PUM1: variants seen among roughly 807,000 people sequenced by gnomAD.
PUM1 encodes the protein pumilio homolog 1.
PUM1 carries 13 observed loss-of-function variants against 131.8 expected under a neutral mutation model. The ratio of observed to expected loss-of-function variants is 0.10; its 90% CI spans 0.06 to 0.16. The LOEUF is 0.16. PUM1 is among the 10% of genes least tolerant of loss of function. The probability of loss-of-function intolerance (pLI) is 1.00; values close to 1 mark genes in which losing one functional copy is unlikely to be tolerated. For synonymous variants in PUM1, 509 were observed against 556.5 expected, an observed-to-expected ratio of 0.91 and a Z score of 1.20; for missense variants, 961 against 1,512.4, an observed-to-expected ratio of 0.64 and a Z score of 6.05.
chr1:31,042,814 G>C (rs1288689861), intron 2 of PUM1, among the ~76,000 whole-genome samples: 1 of 152,170 alleles, frequency 6.6e-6, no homozygotes, highest in Admixed American at 6.6e-5. Context: ...GCCCAGGCTG[G>C]AGTGCAGTAG....
intron 1 of PUM1, 54 bp downstream of exon 1, chr1:31,065,562 T>A: frequency 6.6e-7 from 1 of 1,525,706 alleles, no homozygotes; most frequent in Non-Finnish European, 8.8e-7. Flanking sequence ...AGGGACAATC[T>A]GCTCGTTAGG....
Position 30,953,956 on chromosome 1 carries a change from T to C in PUM1, c.2349A>G (p.Arg783=). ...NLGGLTNGSG[R]YISAAPGAEA... ...CAGCGCCTGGAGCAGCAGAGATGTA[T>C]CTTCCACTGCCATTCGTGAGTCCTC... The change falls in exon 15 of 22, where the codon AGA becomes AGG. Residue 783 remains arginine, a synonymous_variant. Coordinates refer to ENST00000426105, the MANE Select transcript of PUM1 (RefSeq NM_001020658.2). The C allele has an allele frequency of 1.9e-6, 3 of 1,614,198 alleles. No homozygotes were observed. Among genetic ancestry groups the C allele is most frequent in the Non-Finnish European group, 2.5e-6 (3 of 1,180,008 alleles).
At chr1:30,937,551 G>A (rs550744104) in intron 20 of PUM1, among the ~76,000 whole-genome samples, 1 of 151,984 alleles carries the variant, frequency 6.6e-6, no homozygotes, top group African/African-American at 2.4e-5. Flanking sequence ...CCAAAGTGCT[G>A]AGATTACAGG....
intron 2 of PUM1, among the ~76,000 whole-genome samples, chr1:31,057,748 CA>C (rs1644278305): frequency 1.1e-5 from 1 of 88,050 alleles, no homozygotes; most frequent in African/African-American, 4.3e-5. Context: ...AAAAAAAAAA[CA>C]ACTATGGTTC....
intron 3 of PUM1, among the ~76,000 whole-genome samples, chr1:31,011,682 A>T (rs979976432): frequency 2.6e-5 from 4 of 152,244 alleles, no homozygotes; most frequent in Non-Finnish European, 5.9e-5. Context: ...AAATACCAGC[A>T]GTTGCCAAAT....
intron 2 of PUM1, among the ~76,000 whole-genome samples, chr1:31,044,577 C>T (rs569176872): frequency 4.2e-4 from 64 of 152,122 alleles, no homozygotes; most frequent in African/African-American, 1.5e-3. Flanking sequence ...TGGGGAGTGA[C>T]GGCTGCTGGG....
At chr1:31,049,671 C>T (rs568241995) in intron 2 of PUM1, among the ~76,000 whole-genome samples, 1 of 151,860 alleles carries the variant, frequency 6.6e-6, no homozygotes, top group Non-Finnish European at 1.5e-5. Flanking sequence ...AAGGATGAAA[C>T]TCCATCTCAA....
At position 31,008,882 on chromosome 1, in the gene PUM1, T is replaced by C. The variant is rs1046999943; in HGVS notation, c.433-1780A>G. Among the ~76,000 whole-genome samples, 44 of 152,048 alleles carry C rather than the reference T, an allele frequency of 2.9e-4. No individual in the cohort carries two copies. The East Asian group carries it at 3.7e-3, about 13-fold the overall frequency. On this transcript the variant is annotated intron_variant, in intron 3 of 21. Transcript: ENST00000426105. ...TCCTTTTAGTCTCAAAAATGTCCTG[T>C]CCCCTGCAAGGCCGGGCGCGGTGGC...
intron 3 of PUM1, among the ~76,000 whole-genome samples, chr1:31,008,063 G>A (rs1187066332): frequency 1.3e-5 from 2 of 152,010 alleles, no homozygotes; most frequent in Non-Finnish European, 2.9e-5. Context: ...CACCATTTTT[G>A]AGCACAAAAA....
At chr1:31,038,984 A>ATATTTTTTTTTTTTTTTT in intron 2 of PUM1, among the ~76,000 whole-genome samples, 13 of 49,418 alleles carry the variant, frequency 2.6e-4, no homozygotes, top group African/African-American at 1.9e-3. Flanking sequence ...ATATATATAT[A>ATATTTTTTTTTTTTTTTT]TTTTTTTTTT....
At position 31,033,376 on chromosome 1, in the gene PUM1, CTTTTTT is replaced by C. The variant is rs748444500; in HGVS notation, c.364-4518_364-4513del. ...TGTGCCACCACATCCAGCTAATTTT[CTTTTTT>C]TTTTTTTTTTTTTTTTTTTTTGAGA... On this transcript the variant is annotated intron_variant, in intron 2 of 21. Transcript: ENST00000426105. Among the ~76,000 whole-genome samples the C allele has an allele frequency of 4.2e-3, 433 of 102,520 alleles. 1 individual carries two copies. The highest frequency in any genetic ancestry group is 7.2e-3 in the Non-Finnish European group (381 of 53,194). 67.3% of individuals were successfully genotyped at this position (102,520 alleles called of 152,430 possible).
intron 21 of PUM1, chr1:30,935,683 T>A (rs1475508163): frequency 2.5e-6 from 1 of 394,090 alleles, no homozygotes; most frequent in Non-Finnish European, 4.9e-6. Context: ...GTGGTGGGTG[T>A]CTTGTCTGGC....
intron 1 of PUM1, among the ~76,000 whole-genome samples, chr1:31,060,704 T>G (rs1431715593): frequency 6.6e-6 from 1 of 151,422 alleles, no homozygotes; most frequent in Non-Finnish European, 1.5e-5. Flanking sequence ...TGGCCAACAT[T>G]ATGAAACCCC....
chr1:31,009,772 A>C (rs866513563), intron 3 of PUM1, among the ~76,000 whole-genome samples: 1 of 63,012 alleles, frequency 1.6e-5, no homozygotes, highest in East Asian at 3.8e-4. Flanking sequence ...TGTCTCAAAA[A>C]AAAAAAAAAA....
intron 15 of PUM1, among the ~76,000 whole-genome samples, chr1:30,952,683 C>G (rs949739187): frequency 0.03 from 1,247 of 41,428 alleles, 21 homozygotes; most frequent in East Asian, 0.18. Flanking sequence ...GCGGGGGGGG[C>G]GGGGGGGGGG....
Position 31,065,680 on chromosome 1 carries a change from C to G in PUM1, c.-76G>C. Reference sequence around the variant, plus strand: ...ATCTTCTCTCTCTGGCGCTCTCGCTCCCCCTTACCTTTCACTCCGACAACA... The same window carrying G: ...ATCTTCTCTCTCTGGCGCTCTCGCTGCCCCTTACCTTTCACTCCGACAACA... On this transcript the variant is annotated 5_prime_UTR_variant, in exon 1 of 22. Coordinates refer to ENST00000426105, the MANE Select transcript of PUM1 (RefSeq NM_001020658.2). 1.9e-6 allele frequency: 3 copies of G among 1,549,810 alleles called. No homozygotes were observed. Among genetic ancestry groups the G allele is most frequent in the Non-Finnish European group, 1.7e-6 (2 of 1,146,854 alleles).
chr1:30,967,437 C>A, intron 11 of PUM1, 127 bp from the exon 12 acceptor site: 2 of 801,858 alleles, frequency 2.5e-6, no homozygotes, highest in South Asian at 1.9e-5. Flanking sequence ...TATACTGGCT[C>A]CATCACTTAA....
At chr1:31,056,879 C>G (rs1644254019) in intron 2 of PUM1, among the ~76,000 whole-genome samples, 1 of 151,926 alleles carries the variant, frequency 6.6e-6, no homozygotes, top group Non-Finnish European at 1.5e-5. Flanking sequence ...TGCAAACTCC[C>G]TGTCCCAGGT....
rs911689562 is a variant in PUM1 at position 30,957,716 on chromosome 1, T to C, written c.2324-3735A>G. ...GCTACGTCAAATGTTATCATTTACT[T>C]GCTTTTTGTACTCATAGATCTAATA... On this transcript the variant is annotated intron_variant, in intron 14 of 21. Coordinates refer to ENST00000426105, the MANE Select transcript of PUM1 (RefSeq NM_001020658.2). Among the ~76,000 whole-genome samples, 11 of 152,270 alleles carry C rather than the reference T, an allele frequency of 7.2e-5. 1 individual carries two copies. Among genetic ancestry groups the C allele is most frequent in the Admixed American group, 1.3e-4 (2 of 15,288 alleles).
Sources: gnomAD v4.1 joint callset for allele counts (sites outside exome capture counted in the v4.1 genomes callset) on GRCh38, gnomAD v4.1.1 for gene constraint, MANE v1.5 for transcripts, NCBI Gene and HGNC (gene_info 2026-07-23, HGNC 2026-07-21) for gene names.